PTPRD: variants seen among roughly 807,000 people sequenced by gnomAD.
PTPRD encodes protein tyrosine phosphatase receptor type D, also known as receptor-type tyrosine-protein phosphatase delta.
PTPRD carries 34 observed loss-of-function variants against 214.5 expected under a neutral mutation model. The ratio of observed to expected loss-of-function variants is 0.16; its 90% CI spans 0.12 to 0.21. The LOEUF (loss-of-function observed/expected upper bound fraction) is 0.21, where lower values mean the gene tolerates loss of function less well. PTPRD is among the 10% of genes least tolerant of loss of function. The probability of loss-of-function intolerance (pLI) is 1.00; values close to 1 mark genes in which losing one functional copy is unlikely to be tolerated. For missense variants in PTPRD, 2,545 were observed against 2,398.7 expected (o/e 1.06, Z -1.27); for synonymous variants, 1,128 against 845.7 (o/e 1.33, Z -5.79).
chr9:9,642,578 C>T (rs1292569377), intron 7 of PTPRD, among the ~76,000 whole-genome samples: 1 of 152,052 alleles, frequency 6.6e-6, no homozygotes, highest in Non-Finnish European at 1.5e-5. Flanking sequence ...TATGAAAGCT[C>T]TCTCCCTCCC....
At chr9:10,246,695 C>A (rs886100651) in intron 3 of PTPRD, among the ~76,000 whole-genome samples, 30 of 151,698 alleles carry the variant, frequency 2.0e-4, no homozygotes, top group Non-Finnish European at 2.4e-4. Context: ...TAGTTTGTGC[C>A]TGGTACTCTT....
At chr9:9,979,312 G>C (rs1047013002) in intron 4 of PTPRD, among the ~76,000 whole-genome samples, 1 of 151,846 alleles carries the variant, frequency 6.6e-6, no homozygotes, top group African/African-American at 2.4e-5. Context: ...CAGGTATTTT[G>C]CTTTTCCAGA....
chr9:9,610,516 C>T (rs1271127170), intron 7 of PTPRD, among the ~76,000 whole-genome samples: 3 of 152,088 alleles, frequency 2.0e-5, no homozygotes, highest in African/African-American at 7.2e-5. Context: ...ATTATATTTT[C>T]ATTGAATTTT....
chr9:8,542,880 G>A (rs1298303790), intron 14 of PTPRD, among the ~76,000 whole-genome samples: 1 of 152,190 alleles, frequency 6.6e-6, no homozygotes, highest in East Asian at 1.9e-4. Context: ...AAATACCCAT[G>A]GATTTGCATC....
intron 21 of PTPRD, among the ~76,000 whole-genome samples, chr9:8,507,769 T>C (rs989421300): frequency 1.3e-5 from 2 of 152,182 alleles, no homozygotes; most frequent in African/African-American, 2.4e-5. Context: ...CATAAAGCAC[T>C]TGAAATATTG....
chr9:10,211,380 A>C (rs1316651744), intron 3 of PTPRD, among the ~76,000 whole-genome samples: 1 of 152,200 alleles, frequency 6.6e-6, no homozygotes, highest in East Asian at 1.9e-4. Flanking sequence ...CTAGTGTTTC[A>C]AAGATAATTG....
intron 9 of PTPRD, among the ~76,000 whole-genome samples, chr9:9,320,367 C>T (rs371503730): frequency 9.9e-5 from 15 of 152,114 alleles, no homozygotes; most frequent in East Asian, 9.6e-4. Flanking sequence ...ACCCCATATA[C>T]TGGGCATGAA....
At chr9:10,464,235 TA>T (rs925837072) in intron 2 of PTPRD, among the ~76,000 whole-genome samples, 40 of 151,406 alleles carry the variant, frequency 2.6e-4, no homozygotes, top group Non-Finnish European at 1.3e-4. Flanking sequence ...CCATCTCTAC[TA>T]AAAAAAAATT....
chr9:9,057,451 T>C (rs2099698432), intron 10 of PTPRD, among the ~76,000 whole-genome samples: 1 of 152,214 alleles, frequency 6.6e-6, no homozygotes, highest in Non-Finnish European at 1.5e-5. Context: ...AAATGGATTT[T>C]ACTTTGAAAA....
At chr9:9,272,593 G>C (rs56316820) in intron 9 of PTPRD, among the ~76,000 whole-genome samples, 58 of 151,360 alleles carry the variant, frequency 3.8e-4, no homozygotes, top group African/African-American at 1.2e-3. Flanking sequence ...TGCTGTAGTG[G>C]TCCGTTGACG....
At chr9:9,882,816 G>GA (rs1267885582) in intron 5 of PTPRD, among the ~76,000 whole-genome samples, 5 of 152,058 alleles carry the variant, frequency 3.3e-5, no homozygotes, top group African/African-American at 1.2e-4. Flanking sequence ...CCCAATGTTG[G>GA]AAGTGGGGGC....
At chr9:9,301,782 G>A (rs1009327991) in intron 9 of PTPRD, among the ~76,000 whole-genome samples, 3 of 151,860 alleles carry the variant, frequency 2.0e-5, no homozygotes, top group Non-Finnish European at 2.9e-5. Flanking sequence ...AGGAATTGCT[G>A]TAATGGGTCC....
chr9:10,504,181 T>A (rs554765784), intron 2 of PTPRD, among the ~76,000 whole-genome samples: 1 of 143,878 alleles, frequency 7.0e-6, no homozygotes, highest in South Asian at 2.3e-4. Context: ...GATTCTTGAG[T>A]CTAAAGCCAA....
At chr9:9,025,238 C>CTAA (rs1044922540) in intron 10 of PTPRD, among the ~76,000 whole-genome samples, 1 of 151,840 alleles carries the variant, frequency 6.6e-6, no homozygotes, top group African/African-American at 2.4e-5. Flanking sequence ...GACATTTTTT[C>CTAA]TAAAGAGGGA....
chr9:8,782,657 GCA>G (rs2095771938), intron 11 of PTPRD, among the ~76,000 whole-genome samples: 1 of 149,390 alleles, frequency 6.7e-6, no homozygotes, highest in South Asian at 2.1e-4. Context: ...AAGTGCAGTG[GCA>G]CAATCTCGGC....
At chr9:10,047,565 C>T (rs1033024299) in intron 3 of PTPRD, among the ~76,000 whole-genome samples, 5 of 151,950 alleles carry the variant, frequency 3.3e-5, no homozygotes, top group Non-Finnish European at 7.4e-5. Flanking sequence ...TTCAACACTG[C>T]CCACATACTT....
intron 9 of PTPRD, among the ~76,000 whole-genome samples, chr9:9,339,153 T>C (rs935962276): frequency 1.3e-5 from 2 of 152,038 alleles, no homozygotes; most frequent in Admixed American, 6.6e-5. Flanking sequence ...CTGAAAAGAA[T>C]TTTTCATGTT....
chr9:9,355,562 T>C (rs1245069746), intron 9 of PTPRD, among the ~76,000 whole-genome samples: 1 of 151,536 alleles, frequency 6.6e-6, no homozygotes, highest in Non-Finnish European at 1.5e-5. Context: ...ATGAGAAAAG[T>C]CAGGGACTTA....
chr9:9,435,509 C>T (rs757706735), intron 8 of PTPRD, among the ~76,000 whole-genome samples: 28 of 152,090 alleles, frequency 1.8e-4, no homozygotes, highest in Non-Finnish European at 3.7e-4. Context: ...GAGCAAGACC[C>T]TGCCTTTTTA....
Sources: gnomAD v4.1 joint callset for allele counts (sites outside exome capture counted in the v4.1 genomes callset) on GRCh38, gnomAD v4.1.1 for gene constraint, MANE v1.5 for transcripts, NCBI Gene and HGNC (gene_info 2026-07-23, HGNC 2026-07-21) for gene names.